The following TMEM87B variants were observed in gnomAD, a reference collection of about 807,000 sequenced individuals.
The protein encoded by TMEM87B is transmembrane protein 87B.
TMEM87B carries 83 observed loss-of-function variants against 80.3 expected under a neutral mutation model. That is an observed-to-expected ratio of 1.03 (90% CI 0.87 to 1.24). The LOEUF is 1.24. TMEM87B is among the 50% of genes most tolerant of loss of function. The probability of loss-of-function intolerance (pLI) is 0.00; values close to 1 mark genes in which losing one functional copy is unlikely to be tolerated. For missense variants in TMEM87B, 625 were observed against 674.4 expected, an observed-to-expected ratio of 0.93 and a Z score of 0.81; for synonymous variants, 219 against 230.5, an observed-to-expected ratio of 0.95 and a Z score of 0.45.
chr2:112,055,701 C>T lies in TMEM87B; in HGVS notation c.110C>T (p.Pro37Leu), dbSNP rs1678026947. ...RVALCLLCWT[P>L]AAVRAVPELG... Reference sequence around the variant, plus strand: ...GCCCTCTGCCTCCTGTGCTGGACCCCGGCGGCTGTGCGCGCGGTCCCTGAG... The same window carrying T: ...GCCCTCTGCCTCCTGTGCTGGACCCTGGCGGCTGTGCGCGCGGTCCCTGAG... The change falls in exon 1 of 19, where the codon CCG (proline) becomes CTG (leucine). Residue 37 changes from proline to leucine, a missense_variant. Transcript: ENST00000283206. The T allele has an allele frequency of 6.5e-7, 1 of 1,549,828 alleles. No homozygotes were observed. The highest frequency in any genetic ancestry group is 1.2e-5 in the South Asian group (1 of 82,916).
intron 1 of TMEM87B, among the ~76,000 whole-genome samples, chr2:112,057,217 A>AT (rs1678102254): frequency 6.6e-6 from 1 of 152,224 alleles, no homozygotes; most frequent in Non-Finnish European, 1.5e-5. Flanking sequence ...CAGAAACAGG[A>AT]AAGGAGAGTG....
chr2:112,067,095 T>C, intron 4 of TMEM87B, 28 bp downstream of exon 4: 1 of 1,603,516 alleles, frequency 6.2e-7, no homozygotes, highest in Non-Finnish European at 8.5e-7. Flanking sequence ...CATGTTAAAG[T>C]TTATTTTATT....
In TMEM87B at chr2:112,089,687, C is replaced by T; in HGVS notation, c.1001C>T (p.Ala334Val). Residue 334 changes from alanine (A) to valine (V), a missense_variant, in exon 10 of 19, where the codon GCA becomes GTA. Ala to Val is a moderately conservative substitution (Grantham distance 64). Transcript: ENST00000283206. The stretch of plus-strand genomic sequence containing the variant: ...CTGGGGCTTCTATACTTAATCTTTG[C>T]AGCTGTTGAAGGCGTGATGAGAGTC... The part of the protein sequence containing the change: ...IGLGLLYLIF[A>V]AVEGVMRVIG... 5 of 1,614,136 alleles carry T rather than the reference C, an allele frequency of 3.1e-6. No homozygotes were observed. Among genetic ancestry groups the T allele is most frequent in the East Asian group, 2.2e-5 (1 of 44,882 alleles).
At chr2:112,068,935 G>T (rs1678527639) in intron 4 of TMEM87B, among the ~76,000 whole-genome samples, 1 of 151,704 alleles carries the variant, frequency 6.6e-6, no homozygotes, top group Admixed American at 6.6e-5. Context: ...GCTCATGCCT[G>T]TAATCCCAGC....
At chr2:112,096,485 C>G (rs1461205071) in intron 11 of TMEM87B, among the ~76,000 whole-genome samples, 1 of 152,198 alleles carries the variant, frequency 6.6e-6, no homozygotes, top group Non-Finnish European at 1.5e-5. Context: ...CAGTAATCCT[C>G]CCCCGTTGCA....
intron 9 of TMEM87B, among the ~76,000 whole-genome samples, chr2:112,086,867 G>T (rs773281876): frequency 5.3e-5 from 8 of 151,966 alleles, no homozygotes; most frequent in Non-Finnish European, 1.0e-4. Context: ...TCCTGCTCTT[G>T]CCCATCACCA....
chr2:112,099,712 C>CA (rs1462421662), intron 14 of TMEM87B, among the ~76,000 whole-genome samples: 1 of 150,110 alleles, frequency 6.7e-6, no homozygotes, highest in Non-Finnish European at 1.5e-5. Flanking sequence ...CCTCTTTCTA[C>CA]AAAAAAATAC....
At chr2:112,074,888 G>C in intron 4 of TMEM87B, 24 bp from the exon 5 acceptor site, 1 of 1,543,872 alleles carries the variant, frequency 6.5e-7, no homozygotes, top group Admixed American at 2.1e-5. Flanking sequence ...AGTATAAAAT[G>C]GCATTATTTA....
intron 1 of TMEM87B, among the ~76,000 whole-genome samples, chr2:112,058,109 G>C (rs1678137107): frequency 6.6e-6 from 1 of 152,208 alleles, no homozygotes; most frequent in Non-Finnish European, 1.5e-5. Flanking sequence ...TTACGGGCGT[G>C]AGCCACCGCA....
At chr2:112,079,486 T>C (rs535148166) in intron 6 of TMEM87B, among the ~76,000 whole-genome samples, 1 of 152,360 alleles carries the variant, frequency 6.6e-6, no homozygotes, top group African/African-American at 2.4e-5. Flanking sequence ...TGTGTATATA[T>C]ACACATTTTC....
intron 16 of TMEM87B, among the ~76,000 whole-genome samples, chr2:112,106,414 C>T (rs911571761): frequency 8.5e-5 from 13 of 152,164 alleles, no homozygotes; most frequent in African/African-American, 3.1e-4. Flanking sequence ...GCCTGTTCAT[C>T]TGCACATTCG....
chr2:112,109,283 C>T (rs936297309), intron 17 of TMEM87B, among the ~76,000 whole-genome samples: 2 of 152,160 alleles, frequency 1.3e-5, no homozygotes, highest in South Asian at 4.2e-4. Flanking sequence ...TTTTATATTT[C>T]CCATGTATTT....
chr2:112,098,747 T>G lies in TMEM87B; in HGVS notation c.1376+49T>G, dbSNP rs556737048. 1.3e-4 allele frequency: 200 copies of G among 1,547,944 alleles called. 4 individuals carry two copies. In the South Asian group the frequency reaches 1.9e-3, roughly 14 times the overall value. Reference sequence around the variant, plus strand: ...GTCGTCAAGGATTTGTTGATCACCTTCTATAGTGTCAAGAACACGTTTATA... The same window carrying G: ...GTCGTCAAGGATTTGTTGATCACCTGCTATAGTGTCAAGAACACGTTTATA... On this transcript the variant is annotated intron_variant, in intron 14 of 18. Transcript: ENST00000283206.
chr2:112,055,754 G>A lies in TMEM87B; in HGVS notation c.163G>A (p.Asp55Asn). The change falls in exon 1 of 19, where the codon GAC (aspartate) becomes AAC (asparagine). Residue 55 changes from aspartate (D) to asparagine (N), a missense_variant and splice_region_variant. Coordinates refer to ENST00000283206, the MANE Select transcript of TMEM87B (RefSeq NM_032824.3). ...CGGGCTCTGGTTAGAGACAGTCAACGACGTAAGTGGAGTGTCGGGACCCAG... is the reference window on the plus strand; with the variant it reads ...CGGGCTCTGGTTAGAGACAGTCAACAACGTAAGTGGAGTGTCGGGACCCAG... ...ELGLWLETVNDKSGPLIFRKT... is the reference protein window; with the variant it reads ...ELGLWLETVNNKSGPLIFRKT... 1.4e-6 allele frequency: 2 copies of A among 1,479,772 alleles called. No individual in the cohort carries two copies. The highest frequency in any genetic ancestry group is 5.4e-5 in the East Asian group (2 of 37,372). 91.7% of individuals were successfully genotyped at this position (1,479,772 alleles called of 1,614,324 possible). A position where few individuals can be genotyped will look rare whatever the true frequency, so the allele number is the denominator to read the frequency against.
rs1046618022 is a variant in TMEM87B, at chr2:112,117,385, C to A, written c.*1242C>A. 17 of 152,150 alleles carry A rather than the reference C, an allele frequency of 1.1e-4. No homozygotes were observed. The highest frequency in any genetic ancestry group is 3.4e-4 in the African/African-American group (14 of 41,432). The allele number at this position is 152,150 out of a possible 1,614,324, so 9.4% of individuals were successfully genotyped here. Reference sequence around the variant, plus strand: ...ATTTTGATTAAGAAAACATTAAAATCTTAACCGGCACAAACACTCCAATTT... The same window carrying A: ...ATTTTGATTAAGAAAACATTAAAATATTAACCGGCACAAACACTCCAATTT... On this transcript the variant is annotated 3_prime_UTR_variant, in exon 19 of 19. Coordinates refer to ENST00000283206, the MANE Select transcript of TMEM87B (RefSeq NM_032824.3).
chr2:112,057,185 T>C (rs1039080826), intron 1 of TMEM87B, among the ~76,000 whole-genome samples: 8 of 152,362 alleles, frequency 5.3e-5, no homozygotes, highest in African/African-American at 1.7e-4. Context: ...AGTGGACTTA[T>C]ATTTTCCACA....
chr2:112,098,032 G>A (rs1679524558), intron 13 of TMEM87B, among the ~76,000 whole-genome samples: 1 of 151,768 alleles, frequency 6.6e-6, no homozygotes, highest in South Asian at 2.1e-4. Flanking sequence ...CTGGAGCGCA[G>A]TGGTGCGATC....
At chr2:112,091,331 C>G (rs1025870035) in intron 10 of TMEM87B, among the ~76,000 whole-genome samples, 5 of 152,148 alleles carry the variant, frequency 3.3e-5, no homozygotes, top group Non-Finnish European at 7.4e-5. Context: ...ATGGATCCCC[C>G]CCTTCACTTT....
chr2:112,072,212 T>C (rs531628217), intron 4 of TMEM87B, among the ~76,000 whole-genome samples: 6 of 152,324 alleles, frequency 3.9e-5, no homozygotes, highest in Admixed American at 1.3e-4. Flanking sequence ...TTTGCATCAG[T>C]GTTCATCAAA....
Sources: gnomAD v4.1 joint callset for allele counts (sites outside exome capture counted in the v4.1 genomes callset) on GRCh38, gnomAD v4.1.1 for gene constraint, MANE v1.5 for transcripts, NCBI Gene and HGNC (gene_info 2026-07-23, HGNC 2026-07-21) for gene names.